The following F2RL1 variants were observed in gnomAD, a reference collection of about 807,000 sequenced individuals.
The protein encoded by F2RL1 is proteinase-activated receptor 2.
In F2RL1, 16 loss-of-function variants were observed where a neutral mutation model predicts 21.7. That is an observed-to-expected ratio of 0.74 (90% CI 0.50 to 1.12). The LOEUF is 1.12. F2RL1 is among the 50% of genes most tolerant of loss of function. The pLI, the probability that F2RL1 is intolerant of heterozygous loss-of-function variation, is 0.00. For synonymous variants in F2RL1, 181 were observed against 186.7 expected (o/e 0.97, Z 0.25); for missense variants, 432 against 477.8 (o/e 0.90, Z 0.89).
chr5:76,825,326 G>A (rs533570658), intron 1 of F2RL1, among the ~76,000 whole-genome samples: 16 of 152,104 alleles, frequency 1.1e-4, no homozygotes, highest in Non-Finnish European at 1.8e-4. Context: ...TCAATTGACT[G>A]TATATTGTGG....
chr5:76,830,093 A>G (rs1249759567), intron 1 of F2RL1, among the ~76,000 whole-genome samples: 1 of 152,190 alleles, frequency 6.6e-6, no homozygotes, highest in Non-Finnish European at 1.5e-5. Flanking sequence ...AATTGGGGCC[A>G]CAAGCCCTCC....
chr5:76,828,649 CT>C (rs1342193598), intron 1 of F2RL1, among the ~76,000 whole-genome samples: 4 of 118,728 alleles, frequency 3.4e-5, no homozygotes, highest in African/African-American at 1.2e-4. Context: ...CCATGCCTGG[CT>C]AATTTTTTTT....
chr5:76,828,101 T>C (rs1033701526), intron 1 of F2RL1, among the ~76,000 whole-genome samples: 4 of 152,132 alleles, frequency 2.6e-5, no homozygotes, highest in Non-Finnish European at 5.9e-5. Flanking sequence ...CCCAAGTTGC[T>C]GGGATTATAG....
At chr5:76,828,626 C>T (rs1029394139) in intron 1 of F2RL1, among the ~76,000 whole-genome samples, 2 of 150,696 alleles carry the variant, frequency 1.3e-5, no homozygotes, top group Admixed American at 1.3e-4. Context: ...TCCAGGACTA[C>T]AGGTGTGCGC....
In F2RL1 at chr5:76,831,535, ATT is replaced by A. The variant is rs3053251; in HGVS notation, c.83-1138_83-1137del. Among the ~76,000 whole-genome samples the A allele has an allele frequency of 5.2e-4, 70 of 134,086 alleles. 1 individual carries two copies. Among genetic ancestry groups the A allele is most frequent in the South Asian group, 1.7e-3 (7 of 4,226 alleles). The allele number at this position is 134,086 out of a possible 152,430, so 88.0% of individuals were successfully genotyped here. A position where few individuals can be genotyped will look rare whatever the true frequency, so the allele number is the denominator to read the frequency against. ...GGAATTACTGCACATTCCTAAACTG[ATT>A]TTTTTTTTTTTTTTTTGACTGAGGC... On this transcript the variant is annotated intron_variant, in intron 1 of 1. Coordinates refer to ENST00000296677, the MANE Select transcript of F2RL1 (RefSeq NM_005242.6).
At chr5:76,830,635 A>G (rs555859553) in intron 1 of F2RL1, among the ~76,000 whole-genome samples, 34 of 152,336 alleles carry the variant, frequency 2.2e-4, no homozygotes, top group Non-Finnish European at 4.1e-4. Flanking sequence ...TAGATAACCC[A>G]GGGAGATCTT....
intron 1 of F2RL1, among the ~76,000 whole-genome samples, chr5:76,821,634 G>A (rs1750138868): frequency 1.4e-5 from 2 of 145,360 alleles, no homozygotes; most frequent in African/African-American, 5.1e-5. Context: ...CTTGAGTGCA[G>A]TGGTGCAATT....
chr5:76,820,138 C>T (rs557779223), intron 1 of F2RL1, among the ~76,000 whole-genome samples: 1 of 152,268 alleles, frequency 6.6e-6, no homozygotes, highest in South Asian at 2.1e-4. Context: ...GCAGCACTTG[C>T]GCCCGGCCGT....
chr5:76,820,004 C>T (rs1398000639), intron 1 of F2RL1, among the ~76,000 whole-genome samples: 1 of 152,148 alleles, frequency 6.6e-6, no homozygotes, highest in Non-Finnish European at 1.5e-5. Context: ...TTGGACCCTG[C>T]CTTATATTTG....
At chr5:76,824,806 T>C (rs145690562) in intron 1 of F2RL1, among the ~76,000 whole-genome samples, 100 of 152,282 alleles carry the variant, frequency 6.6e-4, no homozygotes, top group African/African-American at 2.3e-3. Context: ...AATTTTGATA[T>C]GTTTTGCCAA....
At chr5:76,826,125 G>C (rs1351839896) in intron 1 of F2RL1, among the ~76,000 whole-genome samples, 1 of 149,976 alleles carries the variant, frequency 6.7e-6, no homozygotes, top group African/African-American at 2.4e-5. Context: ...CCTCTTCCCT[G>C]TTATTTCTTT....
intron 1 of F2RL1, among the ~76,000 whole-genome samples, chr5:76,822,234 CT>C (rs772980670): frequency 3.2e-4 from 49 of 151,554 alleles, no homozygotes; most frequent in African/African-American, 1.2e-3. Flanking sequence ...TTTTTTCCCC[CT>C]GAGATAGAAT....
intron 1 of F2RL1, among the ~76,000 whole-genome samples, chr5:76,828,088 C>T (rs1297891716): frequency 6.6e-6 from 1 of 152,022 alleles, no homozygotes; most frequent in Admixed American, 6.6e-5. Context: ...CCTGTCTCAC[C>T]CTCCCAAGTT....
chr5:76,824,979 C>A (rs1457365131), intron 1 of F2RL1, among the ~76,000 whole-genome samples: 2 of 150,404 alleles, frequency 1.3e-5, no homozygotes, highest in Non-Finnish European at 3.0e-5. Context: ...TTCTAGACTT[C>A]AGATTTTGCA....
chr5:76,827,131 G>A (rs947311254), intron 1 of F2RL1, among the ~76,000 whole-genome samples: 3 of 151,466 alleles, frequency 2.0e-5, no homozygotes, highest in Non-Finnish European at 4.4e-5. Flanking sequence ...GATTACAGGT[G>A]AGCACCACTG....
intron 1 of F2RL1, among the ~76,000 whole-genome samples, chr5:76,827,832 C>T (rs915280278): frequency 2.0e-5 from 3 of 151,750 alleles, no homozygotes; most frequent in African/African-American, 7.3e-5. Flanking sequence ...ACCCCGACCT[C>T]GTGATCTGCC....
chr5:76,822,542 C>T (rs913672371), intron 1 of F2RL1, among the ~76,000 whole-genome samples: 1 of 152,144 alleles, frequency 6.6e-6, no homozygotes, highest in Non-Finnish European at 1.5e-5. Flanking sequence ...TGACAGAACA[C>T]TGCAATGAAC....
intron 1 of F2RL1, 69 bp downstream of exon 1, chr5:76,819,333 G>A (rs1395555597): frequency 2.9e-6 from 4 of 1,370,462 alleles, no homozygotes; most frequent in Non-Finnish European, 4.0e-6. Flanking sequence ...TGGGCAGACG[G>A]TGGGATCCGG....
chr5:76,819,162 G>T lies in F2RL1; in HGVS notation c.-21G>T. ...GCGGCGGCGGATTCCCCGCGCGCCC[G>T]GCGTCGGGGCTTCCAGGAGGATGCG... On this transcript the variant is annotated 5_prime_UTR_variant, in exon 1 of 2. Coordinates refer to ENST00000296677, the MANE Select transcript of F2RL1 (RefSeq NM_005242.6). 1 of 1,563,434 alleles carries T rather than the reference G, an allele frequency of 6.4e-7. No homozygotes were observed. Among genetic ancestry groups the T allele is most frequent in the South Asian group, 1.2e-5 (1 of 86,256 alleles).
Sources: gnomAD v4.1 joint callset for allele counts (sites outside exome capture counted in the v4.1 genomes callset) on GRCh38, gnomAD v4.1.1 for gene constraint, MANE v1.5 for transcripts, NCBI Gene and HGNC (gene_info 2026-07-23, HGNC 2026-07-21) for gene names.